Variants in AMH observed in about 807,000 individuals in gnomAD.
The protein encoded by AMH is anti-Muellerian hormone.
Under a neutral mutation model 33.3 loss-of-function variants are expected in AMH, and 39 were observed. The observed-to-expected ratio is 1.17, with a 90% confidence interval of 0.91 to 1.53. The LOEUF (loss-of-function observed/expected upper bound fraction) is 1.53. AMH is among the 40% of genes most tolerant of loss of function. The probability of loss-of-function intolerance (pLI) is 0.00; values close to 1 mark genes in which losing one functional copy is unlikely to be tolerated. For missense variants in AMH, 1,019 were observed against 799.8 expected, an observed-to-expected ratio of 1.27 and a Z score of -3.30; for synonymous variants, 536 against 403.0, an observed-to-expected ratio of 1.33 and a Z score of -3.95.
In AMH at chr19:2,249,540, C is replaced by T. The variant is rs2024990156; in HGVS notation, c.208C>T (p.Leu70=). The change falls in exon 1 of 5, where the codon CTG becomes TTG. Residue 70 remains leucine, a synonymous_variant. Coordinates refer to ENST00000221496, the MANE Select transcript of AMH (RefSeq NM_000479.5). ...GGDSNGSSSP[L]RVVGALSAYE... ...GGACAGCAATGGCAGCAGCTCCCCC[C>T]TGCGGGTGGTGGGGGCTCTAAGCGC... The T allele has an allele frequency of 3.8e-6, 6 of 1,595,890 alleles. No individual in the cohort carries two copies. Among genetic ancestry groups the T allele is most frequent in the Non-Finnish European group, 5.1e-6 (6 of 1,173,266 alleles).
Position 2,249,415 on chromosome 19 carries a change from A to C in AMH, c.83A>C (p.Glu28Ala), listed in dbSNP as rs762279290. The C allele has an allele frequency of 1.3e-6, 2 of 1,597,224 alleles. No individual in the cohort carries two copies. Among genetic ancestry groups the C allele is most frequent in the Admixed American group, 3.4e-5 (2 of 58,076 alleles). Residue 28 changes from glutamate (E) to alanine (A), a missense_variant, in exon 1 of 5, where the codon GAG (glutamate) becomes GCG (alanine). Coordinates refer to ENST00000221496, the MANE Select transcript of AMH (RefSeq NM_000479.5). ...CTGGGGACTGAGGCCCTCAGAGCAG[A>C]GGAGCCAGCTGTGGGCACCAGTGGC... ...ALLGTEALRA[E>A]EPAVGTSGLI...
At position 2,249,648 on chromosome 19, in the gene AMH, G is replaced by C. The variant is rs182295886; in HGVS notation, c.316G>C (p.Gly106Arg). The change falls in exon 1 of 5, where the codon GGT becomes CGT. Residue 106 changes from glycine to arginine, a missense_variant. Physicochemically the swap from Gly to Arg is moderately radical, Grantham distance 125 (BLOSUM62 -2). Transcript: ENST00000221496. ...DLATFGVCNT[G>R]DRQAALPSLR... ...GGCCACCTTCGGGGTCTGCAACACC[G>C]GTGACAGGCAGGCTGCCTTGCCCTC... 1.3e-6 allele frequency: 2 copies of C among 1,516,360 alleles called. No individual in the cohort carries two copies. Among genetic ancestry groups the C allele is most frequent in the Non-Finnish European group, 1.8e-6 (2 of 1,135,598 alleles). The allele number at this position is 1,516,360 out of a possible 1,614,324, so 93.9% of individuals were successfully genotyped here. A position where few individuals can be genotyped will look rare whatever the true frequency, so the allele number is the denominator to read the frequency against.
chr19:2,251,387 G>T lies in AMH; in HGVS notation c.1113G>T (p.Trp371Cys). ...TGCACGACCCCACGTCGGCGCCGTGGGCCACGGCCCTGGCGCGCCGCGTGG... is the reference window on the plus strand; with the variant it reads ...TGCACGACCCCACGTCGGCGCCGTGTGCCACGGCCCTGGCGCGCCGCGTGG... ...APLHDPTSAP[W>C]ATALARRVAA... The change falls in exon 5 of 5, where the codon TGG becomes TGT. Residue 371 changes from tryptophan to cysteine, a missense_variant. By Grantham distance (215) the Trp-to-Cys change is radical. Transcript: ENST00000221496. The T allele has an allele frequency of 6.8e-7, 1 of 1,466,446 alleles. No individual in the cohort carries two copies. The highest frequency in any genetic ancestry group is 3.0e-5 in the East Asian group (1 of 33,820). The allele number at this position is 1,466,446 out of a possible 1,614,324, so 90.8% of individuals were successfully genotyped here. A position where few individuals can be genotyped will look rare whatever the true frequency, so the allele number is the denominator to read the frequency against.
Position 2,252,070 on chromosome 19 carries a change from C to A in AMH, c.*113C>A, listed in dbSNP as rs2025059630. On this transcript the variant is annotated 3_prime_UTR_variant, in exon 5 of 5. Coordinates refer to ENST00000221496, the MANE Select transcript of AMH (RefSeq NM_000479.5). Reference sequence around the variant, plus strand: ...GCCCCAATAAAGACCAGCAAGCAACCGGCTGGGGTGTCCGTGCGTGTTAGG... The same window carrying A: ...GCCCCAATAAAGACCAGCAAGCAACAGGCTGGGGTGTCCGTGCGTGTTAGG... 2 of 1,450,112 alleles carry A rather than the reference C, an allele frequency of 1.4e-6. No individual in the cohort carries two copies. The highest frequency in any genetic ancestry group is 1.4e-5 in the African/African-American group (1 of 71,088). 89.8% of individuals were successfully genotyped at this position (1,450,112 alleles called of 1,614,324 possible). A position where few individuals can be genotyped will look rare whatever the true frequency, so the allele number is the denominator to read the frequency against.
In AMH at chr19:2,250,570, C is replaced by T. The variant is rs2025015815; in HGVS notation, c.556-82C>T. ...TGCAGTACTGAGAACAGCGTAGAACCAGTGGCGATGGGAGGAAGGGGACCG... is the reference window on the plus strand; with the variant it reads ...TGCAGTACTGAGAACAGCGTAGAACTAGTGGCGATGGGAGGAAGGGGACCG... On this transcript the variant is annotated intron_variant, in intron 2 of 4. Coordinates refer to ENST00000221496, the MANE Select transcript of AMH (RefSeq NM_000479.5). 1.0e-5 allele frequency: 16 copies of T among 1,537,714 alleles called. No homozygotes were observed. In the South Asian group the frequency reaches 1.7e-4, roughly 16 times the overall value.
At position 2,251,172 on chromosome 19, in the gene AMH, G is replaced by A. The variant is rs1032576781; in HGVS notation, c.898G>A (p.Ala300Thr). The A allele has an allele frequency of 4.6e-6, 7 of 1,516,004 alleles. No homozygotes were observed. The African/African-American group carries it at 7.1e-5, about 15-fold the overall frequency. The allele number at this position is 1,516,004 out of a possible 1,614,324, so 93.9% of individuals were successfully genotyped here. ...FLETLTRLVR[A>T]LRVPPARASA... ...GGAGACGCTCACGCGCCTGGTGCGG[G>A]CGCTGCGGGTCCCCCCGGCCCGGGC... Residue 300 changes from alanine to threonine, a missense_variant, in exon 5 of 5, where the codon GCG becomes ACG. Coordinates refer to ENST00000221496, the MANE Select transcript of AMH (RefSeq NM_000479.5).
chr19:2,251,068 C>G (rs1250049494), intron 4 of AMH, 31 bp from the exon 5 acceptor site: 2 of 1,532,600 alleles, frequency 1.3e-6, no homozygotes, highest in Non-Finnish European at 1.7e-6. Flanking sequence ...GCCTCGTGGC[C>G]GCTCTCAACT....
At chr19:2,249,802 C>T (rs2024997889) in intron 1 of AMH, 58 bp downstream of exon 1, 2 of 1,442,018 alleles carry the variant, frequency 1.4e-6, no homozygotes, top group Non-Finnish European at 1.8e-6. Context: ...TGGGCCGGGT[C>T]CTCCTAGGGA....
At position 2,251,251 on chromosome 19, in the gene AMH, G is replaced by GC. The variant is rs1254589021; in HGVS notation, c.979dup (p.Leu327ProfsTer56). On this transcript the variant is annotated frameshift_variant, in exon 5 of 5. Transcript: ENST00000221496. LOFTEE classifies it low-confidence loss of function (END_TRUNC). ...GACGCGCTGGCCGGCTTCCCGCAGGGCCTAGTCAACCTGTCGGACCCCGCG... is the reference window on the plus strand; with the variant it reads ...GACGCGCTGGCCGGCTTCCCGCAGGGCCCTAGTCAACCTGTCGGACCCCGCG... 1 of 1,504,662 alleles carries GC rather than the reference G, an allele frequency of 6.6e-7. No homozygotes were observed. Among genetic ancestry groups the GC allele is most frequent in the African/African-American group, 1.4e-5 (1 of 69,106 alleles). The allele number at this position is 1,504,662 out of a possible 1,614,324, so 93.2% of individuals were successfully genotyped here. A position where few individuals can be genotyped will look rare whatever the true frequency, so the allele number is the denominator to read the frequency against.
In AMH at chr19:2,249,620, C is replaced by T; in HGVS notation, c.288C>T (p.Asp96=). The change falls in exon 1 of 5, where the codon GAC becomes GAT. Residue 96 remains aspartate (D), a synonymous_variant. Coordinates refer to ENST00000221496, the MANE Select transcript of AMH (RefSeq NM_000479.5). The part of the protein sequence containing the change: ...AVQRARWGPR[D]LATFGVCNTG... ...AGAGGGCCCGCTGGGGCCCCCGAGA[C>T]CTGGCCACCTTCGGGGTCTGCAACA... 6.5e-7 allele frequency: 1 copy of T among 1,540,490 alleles called. No homozygotes were observed. Among genetic ancestry groups the T allele is most frequent in the Non-Finnish European group, 8.7e-7 (1 of 1,145,236 alleles).
intron 1 of AMH, 78 bp from the exon 2 acceptor site, chr19:2,250,259 C>A (rs543155842): frequency 2.0e-6 from 3 of 1,536,774 alleles, no homozygotes; most frequent in Non-Finnish European, 2.6e-6. Flanking sequence ...GTGGCCAGAG[C>A]GGCAGGGACA....
rs781079125 is a variant in AMH, at chr19:2,250,882, T to A, written c.698T>A (p.Leu233Gln). 1.3e-6 allele frequency: 2 copies of A among 1,574,966 alleles called. No homozygotes were observed. Among genetic ancestry groups the A allele is most frequent in the South Asian group, 2.3e-5 (2 of 87,680 alleles). ...SRLSTARLQA[L>Q]LFGDDHRCFT... ...CTGAGTACCGCCCGGCTGCAGGCAC[T>A]GCTGTTCGGCGACGACCACCGCTGC... The change falls in exon 4 of 5, where the codon CTG becomes CAG. Residue 233 changes from leucine to glutamine, a missense_variant. Leu to Gln is a moderately radical substitution (Grantham distance 113). Coordinates refer to ENST00000221496, the MANE Select transcript of AMH (RefSeq NM_000479.5).
At chr19:2,250,542 G>C (rs2025015108) in intron 2 of AMH, 63 bp downstream of exon 2, 2 of 1,539,898 alleles carry the variant, frequency 1.3e-6, no homozygotes, top group African/African-American at 1.4e-5. Context: ...TTGTTGCAGG[G>C]TCTGCAGTAC....
In AMH at chr19:2,251,523, G is replaced by A. The variant is rs1172724431; in HGVS notation, c.1249G>A (p.Gly417Ser). 3.7e-6 allele frequency: 5 copies of A among 1,341,480 alleles called. No individual in the cohort carries two copies. The highest frequency in any genetic ancestry group is 2.9e-6 in the Non-Finnish European group (3 of 1,049,024). 83.1% of individuals were successfully genotyped at this position (1,341,480 alleles called of 1,614,324 possible). The change falls in exon 5 of 5, where the codon GGC becomes AGC. Residue 417 changes from glycine to serine, a missense_variant. Physicochemically the swap from Gly to Ser is moderately conservative, Grantham distance 56. Coordinates refer to ENST00000221496, the MANE Select transcript of AMH (RefSeq NM_000479.5). ...LLALCPGGPG[G>S]LGDPLRALLL... Reference sequence around the variant, plus strand: ...CGCGCTCTGCCCAGGTGGCCCCGGCGGCCTCGGCGATCCCCTGCGAGCGCT... The same window carrying A: ...CGCGCTCTGCCCAGGTGGCCCCGGCAGCCTCGGCGATCCCCTGCGAGCGCT...
rs996444728 is a variant in AMH, at chr19:2,250,140, C to T, written c.413-197C>T. ...CAGAGACCCCAGGGCGGCAGCCCCA[C>T]CCACAGCCTCAGACGCAGCCCCTGC... On this transcript the variant is annotated intron_variant, in intron 1 of 4. Coordinates refer to ENST00000221496, the MANE Select transcript of AMH (RefSeq NM_000479.5). 2.9e-5 allele frequency: 26 copies of T among 903,540 alleles called. 1 individual carries two copies. In the South Asian group the frequency reaches 3.9e-4, roughly 14 times the overall value. The allele number at this position is 903,540 out of a possible 1,614,324, so 56.0% of individuals were successfully genotyped here.
At chr19:2,249,779 G>A (rs950459635) in intron 1 of AMH, 35 bp downstream of exon 1, 100 of 1,473,124 alleles carry the variant, frequency 6.8e-5, no homozygotes, top group Non-Finnish European at 8.0e-5. Flanking sequence ...TGGCACCGCC[G>A]TCTTCCTTCA....
At position 2,249,959 on chromosome 19, in the gene AMH, G is replaced by A. The variant is rs1206837974; in HGVS notation, c.412+215G>A. ...AGCTCTTAGACTTGCCCCTGCCTCG[G>A]TGCCAGGGAGAGAGCTGCTGCCTTC... On this transcript the variant is annotated intron_variant, in intron 1 of 4. Transcript: ENST00000221496. The A allele has an allele frequency of 1.1e-5, 7 of 652,146 alleles. No homozygotes were observed. In the East Asian group the frequency reaches 1.9e-4, roughly 18 times the overall value. 40.4% of individuals were successfully genotyped at this position (652,146 alleles called of 1,614,324 possible).
In AMH at chr19:2,250,886, G is replaced by A. The variant is rs748270336; in HGVS notation, c.702G>A (p.Leu234=). The A allele has an allele frequency of 1.3e-6, 2 of 1,574,454 alleles. No homozygotes were observed. The highest frequency in any genetic ancestry group is 1.7e-6 in the Non-Finnish European group (2 of 1,169,028). ...RLSTARLQAL[L]FGDDHRCFTR... Reference sequence around the variant, plus strand: ...GTACCGCCCGGCTGCAGGCACTGCTGTTCGGCGACGACCACCGCTGCTTCA... The same window carrying A: ...GTACCGCCCGGCTGCAGGCACTGCTATTCGGCGACGACCACCGCTGCTTCA... Residue 234 remains leucine, a synonymous_variant, in exon 4 of 5, where the codon CTG becomes CTA. Coordinates refer to ENST00000221496, the MANE Select transcript of AMH (RefSeq NM_000479.5).
Position 2,251,324 on chromosome 19 carries a change from G to T in AMH, c.1050G>T (p.Leu350=), listed in dbSNP as rs1014988797. 4.0e-6 allele frequency: 6 copies of T among 1,498,920 alleles called. No individual in the cohort carries two copies. In the East Asian group the frequency reaches 1.6e-4, roughly 41 times the overall value. 92.9% of individuals were successfully genotyped at this position (1,498,920 alleles called of 1,614,324 possible). ...GCGAGGAGCCGCTGCTGCTGCTGCTGAGGCCCACTGCGGCCACCACCGGGG... is the reference window on the plus strand; with the variant it reads ...GCGAGGAGCCGCTGCTGCTGCTGCTTAGGCCCACTGCGGCCACCACCGGGG... ...LDGEEPLLLL[L]RPTAATTGDP... Residue 350 remains leucine (L), a synonymous_variant, in exon 5 of 5, where the codon CTG becomes CTT. Transcript: ENST00000221496.
Sources: gnomAD v4.1 joint callset for allele counts on GRCh38, gnomAD v4.1.1 for gene constraint, MANE v1.5 for transcripts, NCBI Gene and HGNC (gene_info 2026-07-23, HGNC 2026-07-21) for gene names.